The following HGF variants were observed in gnomAD, a reference collection of about 807,000 sequenced individuals.
The protein encoded by HGF is fibroblast-derived tumor cytotoxic factor.
Under a neutral mutation model 111.6 loss-of-function variants are expected in HGF, and 39 were observed. The ratio of observed to expected loss-of-function variants is 0.35; its 90% CI spans 0.27 to 0.46. HGF has a LOEUF of 0.46. HGF is among the 20% of genes least tolerant of loss of function. The probability of loss-of-function intolerance (pLI) is 1.00; values close to 1 mark genes in which losing one functional copy is unlikely to be tolerated. For synonymous variants in HGF, 285 were observed against 294.8 expected, an observed-to-expected ratio of 0.97 and a Z score of 0.34; for missense variants, 735 against 910.5, an observed-to-expected ratio of 0.81 and a Z score of 2.48.
chr7:81,745,254 T>G (rs1021507510), intron 5 of HGF, 134 bp from the exon 6 acceptor site: 7 of 848,094 alleles, frequency 8.3e-6, no homozygotes, highest in Admixed American at 2.0e-5. Flanking sequence ...TAACTTTTTA[T>G]TAGGGCCTAA....
intron 10 of HGF, among the ~76,000 whole-genome samples, chr7:81,719,907 A>T (rs1013031278): frequency 6.6e-6 from 1 of 152,208 alleles, no homozygotes; most frequent in Non-Finnish European, 1.5e-5. Flanking sequence ...CTATAGGATT[A>T]TGATGGTCAA....
intron 7 of HGF, among the ~76,000 whole-genome samples, chr7:81,736,936 T>C (rs571540011): frequency 4.0e-5 from 6 of 149,074 alleles, no homozygotes; most frequent in Admixed American, 2.7e-4. Flanking sequence ...TGTGGTGTTC[T>C]ATAGATGAGG....
Position 81,762,803 on chromosome 7 carries a change from A to G in HGF, c.158T>C (p.Ile53Thr), listed in dbSNP as rs746355265. 1.2e-5 allele frequency: 20 copies of G among 1,603,746 alleles called. No homozygotes were observed. The highest frequency in any genetic ancestry group is 6.6e-5 in the South Asian group (6 of 90,876). ...GGTTTTTATCTTCAGTGCTGGATCT[A>G]TTTTGATTAGGGTAGTCTTTGCTGA... Reference protein sequence around the residue: ...KKSAKTTLIKIDPALKIKTKK... With the variant: ...KKSAKTTLIKTDPALKIKTKK... Residue 53 changes from isoleucine to threonine, a missense_variant, in exon 2 of 18, where the codon ATA becomes ACA. Ile to Thr is a moderately conservative substitution (Grantham distance 89, BLOSUM62 -1). Transcript: ENST00000222390.
chr7:81,707,657 T>A (rs1413991651), intron 13 of HGF, among the ~76,000 whole-genome samples: 1 of 152,150 alleles, frequency 6.6e-6, no homozygotes, highest in African/African-American at 2.4e-5. Flanking sequence ...CATATTCGTG[T>A]GTATGTGCAT....
intron 5 of HGF, among the ~76,000 whole-genome samples, chr7:81,746,745 A>G (rs1057157857): frequency 2.0e-5 from 3 of 152,162 alleles, no homozygotes; most frequent in Admixed American, 1.3e-4. Context: ...TAATCACTAC[A>G]TTGAGCAGTA....
chr7:81,717,448 A>C, intron 10 of HGF, 83 bp from the exon 11 acceptor site: 23 of 1,295,354 alleles, frequency 1.8e-5, no homozygotes, highest in Non-Finnish European at 2.3e-5. Flanking sequence ...ATATAATCTC[A>C]GCACATTACT....
rs552511578 is a variant in HGF, at chr7:81,725,721, C to G, written c.1168+169G>C. Among the ~76,000 whole-genome samples the G allele has an allele frequency of 3.9e-5, 6 of 152,256 alleles. No individual in the cohort carries two copies. The East Asian group carries it at 1.2e-3, about 29-fold the overall frequency. On this transcript the variant is annotated intron_variant, in intron 9 of 17. Coordinates refer to ENST00000222390, the MANE Select transcript of HGF (RefSeq NM_000601.6). Reference sequence around the variant, plus strand: ...CATACACTCAGCTAAATAAATAAATCTTGAGTGAATAAACATAAGAAAAAT... The same window carrying G: ...CATACACTCAGCTAAATAAATAAATGTTGAGTGAATAAACATAAGAAAAAT...
At chr7:81,710,722 A>G (rs187348936) in intron 12 of HGF, among the ~76,000 whole-genome samples, 1 of 152,300 alleles carries the variant, frequency 6.6e-6, no homozygotes, top group East Asian at 1.9e-4. Context: ...CCAACATTTG[A>G]TTTATTGAAA....
intron 10 of HGF, among the ~76,000 whole-genome samples, chr7:81,718,648 A>G (rs765000656): frequency 1.2e-4 from 18 of 152,312 alleles, no homozygotes; most frequent in Admixed American, 7.2e-4. Flanking sequence ...AATATATCAC[A>G]TATTTTCAGT....
Position 81,726,268 on chromosome 7 carries a change from C to T in HGF, c.1041-251G>A, listed in dbSNP as rs552647156. On this transcript the variant is annotated intron_variant, in intron 8 of 17. Coordinates refer to ENST00000222390, the MANE Select transcript of HGF (RefSeq NM_000601.6). Reference sequence around the variant, plus strand: ...GGCCTAGAGTTTCACCCAAACATTACTGCTTCATAAAAGAGAGAAACGGTA... The same window carrying T: ...GGCCTAGAGTTTCACCCAAACATTATTGCTTCATAAAAGAGAGAAACGGTA... Among the ~76,000 whole-genome samples, 4 of 152,258 alleles carry T rather than the reference C, an allele frequency of 2.6e-5. No individual in the cohort carries two copies. The South Asian group carries it at 8.3e-4, about 32-fold the overall frequency.
intron 7 of HGF, among the ~76,000 whole-genome samples, chr7:81,738,987 T>C (rs949715102): frequency 4.6e-5 from 7 of 152,166 alleles, no homozygotes; most frequent in African/African-American, 1.7e-4. Flanking sequence ...CTTGTGACTT[T>C]CCTTGACTTT....
intron 12 of HGF, 44 bp downstream of exon 12, chr7:81,711,433 CACAG>C (rs1789567380): frequency 3.7e-6 from 4 of 1,086,450 alleles, no homozygotes; most frequent in Non-Finnish European, 5.4e-6. Flanking sequence ...ACTTCTGACA[CACAG>C]AGAGAGACTC....
chr7:81,707,495 T>C, intron 13 of HGF, 131 bp from the exon 14 acceptor site: 1 of 657,324 alleles, frequency 1.5e-6, no homozygotes. Flanking sequence ...TTAACCCAAC[T>C]GGAATAAAAT....
At position 81,716,507 on chromosome 7, in the gene HGF, C is replaced by T. The variant is rs555301998; in HGVS notation, c.1405+725G>A. Among the ~76,000 whole-genome samples the T allele has an allele frequency of 6.6e-5, 10 of 152,092 alleles. No homozygotes were observed. The South Asian group carries it at 1.7e-3, about 25-fold the overall frequency. ...TCATGTCTTAAACATTTTTTTCCTA[C>T]GAATATGTTTTAATGTCTTTTCATT... On this transcript the variant is annotated intron_variant, in intron 11 of 17. Transcript: ENST00000222390.
intron 5 of HGF, chr7:81,751,132 A>T: frequency 1.1e-6 from 1 of 887,702 alleles, no homozygotes; most frequent in Non-Finnish European, 1.3e-6. Flanking sequence ...ACCTAATATT[A>T]AATGAATATT....
In HGF at chr7:81,712,180, A is replaced by G. The variant is rs139185367; in HGVS notation, c.1406-661T>C. On this transcript the variant is annotated intron_variant, in intron 11 of 17. Transcript: ENST00000222390. ...GCCTCGATCCACCAAGATGTCCAACATCCTACACCATGAACATTCCATTGA... is the reference window on the plus strand; with the variant it reads ...GCCTCGATCCACCAAGATGTCCAACGTCCTACACCATGAACATTCCATTGA... 6.1e-3 allele frequency among the ~76,000 whole-genome samples: 933 copies of G among 152,232 alleles called. 4 individuals are homozygous for G. The highest frequency in any genetic ancestry group is 0.01 in the Non-Finnish European group (709 of 68,018).
intron 15 of HGF, 101 bp downstream of exon 15, chr7:81,706,186 A>C: frequency 1.0e-6 from 1 of 976,880 alleles, no homozygotes; most frequent in South Asian, 1.3e-5. Flanking sequence ...TATGTTTATA[A>C]TGCATCTGTA....
intron 9 of HGF, 139 bp from the exon 10 acceptor site, chr7:81,720,986 C>T (rs1789840737): frequency 3.2e-6 from 2 of 633,924 alleles, no homozygotes; most frequent in South Asian, 1.7e-5. Flanking sequence ...TGGCTCACGC[C>T]TGTAATCCCA....
At chr7:81,714,285 T>C (rs1789654252) in intron 11 of HGF, among the ~76,000 whole-genome samples, 1 of 152,142 alleles carries the variant, frequency 6.6e-6, no homozygotes, top group African/African-American at 2.4e-5. Context: ...GTGTTTGTAT[T>C]TTTATAAACA....
Sources: allele counts gnomAD v4.1 joint callset (sites outside exome capture counted in the v4.1 genomes callset), GRCh38; gene constraint gnomAD v4.1.1; transcripts MANE v1.5; gene names NCBI Gene and HGNC (gene_info 2026-07-23, HGNC 2026-07-21).